DGKB: variants seen among roughly 807,000 people sequenced by gnomAD.
DGKB encodes the protein diacylglycerol kinase beta.
DGKB carries 67 observed loss-of-function variants against 114.3 expected under a neutral mutation model. The observed-to-expected ratio is 0.59, with a 90% CI of 0.48 to 0.72. The LOEUF (loss-of-function observed/expected upper bound fraction) is 0.72, where lower values mean the gene tolerates loss of function less well. Ranked by LOEUF, DGKB falls within the 30% of genes least tolerant of loss-of-function variation. The pLI is 0.00. For missense variants in DGKB, 907 were observed against 975.2 expected, an observed-to-expected ratio of 0.93 and a Z score of 0.93; for synonymous variants, 398 against 323.1, an observed-to-expected ratio of 1.23 and a Z score of -2.49.
At chr7:14,535,887 T>G (rs536283806) in intron 20 of DGKB, among the ~76,000 whole-genome samples, 13 of 151,876 alleles carry the variant, frequency 8.6e-5, no homozygotes, top group African/African-American at 3.1e-4. Context: ...ACCTGGCCTG[T>G]TTTTTTTAAG....
intron 23 of DGKB, among the ~76,000 whole-genome samples, chr7:14,289,072 A>G (rs909647370): frequency 1.3e-5 from 2 of 152,170 alleles, no homozygotes; most frequent in African/African-American, 4.8e-5. Context: ...ATTTCTCCTA[A>G]TTTTCCCAAG....
intron 5 of DGKB, among the ~76,000 whole-genome samples, chr7:14,729,752 G>A (rs1031784761): frequency 6.6e-6 from 1 of 152,054 alleles, no homozygotes; most frequent in Non-Finnish European, 1.5e-5. Flanking sequence ...TTCAAAAGTG[G>A]TTTACAATAT....
intron 20 of DGKB, among the ~76,000 whole-genome samples, chr7:14,502,397 C>T (rs1293204832): frequency 1.3e-5 from 2 of 151,956 alleles, no homozygotes; most frequent in African/African-American, 4.8e-5. Context: ...AAGAAAAAAA[C>T]ATCCAGCTAT....
chr7:14,237,842 T>C (rs2128356678), intron 23 of DGKB, among the ~76,000 whole-genome samples: 1 of 152,112 alleles, frequency 6.6e-6, no homozygotes, highest in Middle Eastern at 3.4e-3. Flanking sequence ...TTGCAGTGTT[T>C]AAGGAATGTT....
At chr7:14,157,897 A>AGTGTTTTTG (rs1783269518) in intron 25 of DGKB, among the ~76,000 whole-genome samples, 1 of 152,208 alleles carries the variant, frequency 6.6e-6, no homozygotes, top group African/African-American at 2.4e-5. Flanking sequence ...TAACTAGAGA[A>AGTGTTTTTG]TATTTACAAC....
At chr7:14,200,288 T>C (rs1228600884) in intron 23 of DGKB, among the ~76,000 whole-genome samples, 1 of 152,038 alleles carries the variant, frequency 6.6e-6, no homozygotes, top group Non-Finnish European at 1.5e-5. Context: ...AAAAATTACA[T>C]GGTGTGGCCC....
Position 14,338,573 on chromosome 7 carries a change from T to C in DGKB, c.2064A>G (p.Lys688=), listed in dbSNP as rs1311038123. The C allele has an allele frequency of 1.2e-6, 2 of 1,607,790 alleles. No homozygotes were observed. Among genetic ancestry groups the C allele is most frequent in the Non-Finnish European group, 8.5e-7 (1 of 1,176,858 alleles). Residue 688 remains lysine (K), a synonymous_variant, in exon 23 of 26, where the codon AAA becomes AAG. Coordinates refer to ENST00000402815, the MANE Select transcript of DGKB (RefSeq NM_001350709.2). ...KRRSHRRIEK[K]GSDKRTTVTD... ...TGACGGTGGTCCTTTTGTCAGACCC[T>C]TTTTTCTCTATTCGTCGATGGCTTC...
At chr7:14,660,777 G>T (rs2128923005) in intron 13 of DGKB, among the ~76,000 whole-genome samples, 1 of 152,000 alleles carries the variant, frequency 6.6e-6, no homozygotes, top group Admixed American at 6.6e-5. Flanking sequence ...CAAAGCTGGA[G>T]GCATCACACT....
At chr7:14,878,013 C>CT (rs1227912469) in intron 1 of DGKB, among the ~76,000 whole-genome samples, 1 of 151,506 alleles carries the variant, frequency 6.6e-6, no homozygotes, top group African/African-American at 2.4e-5. Context: ...AATATAGACA[C>CT]TTTTAATTCA....
At chr7:14,557,000 G>T (rs931627662) in intron 20 of DGKB, among the ~76,000 whole-genome samples, 7 of 152,154 alleles carry the variant, frequency 4.6e-5, no homozygotes, top group Non-Finnish European at 1.0e-4. Flanking sequence ...ACTGAAAGCA[G>T]TGGTTCTCAA....
At chr7:14,697,326 G>A (rs1302804835) in intron 8 of DGKB, among the ~76,000 whole-genome samples, 7 of 152,102 alleles carry the variant, frequency 4.6e-5, no homozygotes, top group Non-Finnish European at 1.0e-4. Context: ...AAAAAATAGT[G>A]TATCTACCTC....
chr7:14,663,307 G>A (rs1198534191), intron 13 of DGKB, among the ~76,000 whole-genome samples: 7 of 151,976 alleles, frequency 4.6e-5, no homozygotes, highest in Non-Finnish European at 1.0e-4. Flanking sequence ...AGTAATGATG[G>A]TGAGTGCATA....
intron 23 of DGKB, among the ~76,000 whole-genome samples, chr7:14,299,466 G>C (rs1349866769): frequency 6.6e-6 from 1 of 152,046 alleles, no homozygotes; most frequent in East Asian, 1.9e-4. Flanking sequence ...ATATATTAGT[G>C]AGAGGTTTTG....
chr7:14,294,693 CA>C (rs1423216938), intron 23 of DGKB, among the ~76,000 whole-genome samples: 2 of 152,128 alleles, frequency 1.3e-5, no homozygotes, highest in Non-Finnish European at 1.5e-5. Context: ...AGAACTTCCT[CA>C]AAAACAGTTA....
chr7:14,917,232 G>C (rs958722765), intron 1 of DGKB, among the ~76,000 whole-genome samples: 8 of 151,856 alleles, frequency 5.3e-5, no homozygotes, highest in African/African-American at 1.9e-4. Context: ...ACTAGAGAAA[G>C]TAAAGCTATA....
At chr7:14,324,067 T>A (rs541393606) in intron 23 of DGKB, among the ~76,000 whole-genome samples, 1 of 152,070 alleles carries the variant, frequency 6.6e-6, no homozygotes, top group South Asian at 2.1e-4. Context: ...ATTAGTTAAG[T>A]TGAGGGAAAA....
At chr7:14,817,651 G>A (rs559173107) in intron 2 of DGKB, among the ~76,000 whole-genome samples, 1 of 152,004 alleles carries the variant, frequency 6.6e-6, no homozygotes, top group Non-Finnish European at 1.5e-5. Context: ...ATAAGAGTTA[G>A]GTCTTTTAAT....
intron 2 of DGKB, among the ~76,000 whole-genome samples, chr7:14,803,950 T>C (rs150798387): frequency 6.6e-6 from 1 of 152,184 alleles, no homozygotes; most frequent in East Asian, 1.9e-4. Flanking sequence ...TGTGGAATCA[T>C]TATCCAGAAT....
intron 8 of DGKB, among the ~76,000 whole-genome samples, chr7:14,697,065 T>C (rs943520907): frequency 5.3e-5 from 8 of 152,216 alleles, no homozygotes; most frequent in Admixed American, 2.6e-4. Context: ...AAACTCAATA[T>C]CTCTTATCAA....
Sources: gnomAD v4.1 joint callset for allele counts (sites outside exome capture counted in the v4.1 genomes callset) on GRCh38, gnomAD v4.1.1 for gene constraint, MANE v1.5 for transcripts, NCBI Gene and HGNC (gene_info 2026-07-23, HGNC 2026-07-21) for gene names.